HIGD1C: variants seen among roughly 807,000 people sequenced by gnomAD.
The protein encoded by HIGD1C is HIG1 hypoxia inducible domain family member 1C.
In HIGD1C, 11 loss-of-function variants were observed where a neutral mutation model predicts 13.1. That is an observed-to-expected ratio of 0.84 (90% CI 0.53 to 1.39). The LOEUF is 1.39. Among genes scored for constraint, HIGD1C ranks in the 40% most tolerant of loss-of-function variants. The probability of loss-of-function intolerance (pLI) is 0.00; values close to 1 mark genes in which losing one functional copy is unlikely to be tolerated. For synonymous variants in HIGD1C, 36 were observed against 37.7 expected, an observed-to-expected ratio of 0.95 and a Z score of 0.17; for missense variants, 110 against 112.0, an observed-to-expected ratio of 0.98 and a Z score of 0.08.
At chr12:50,931,495 G>A in the HIGD1C span, 1 of 150,328 alleles carries the variant, frequency 6.7e-6, no homozygotes, top group Non-Finnish European at 1.5e-5. Context: ...GGATCACGAG[G>A]TAGGAGTTAA....
intron 1 of HIGD1C, among the ~76,000 whole-genome samples, chr12:50,958,308 G>A (rs1310433049): frequency 6.9e-6 from 1 of 144,680 alleles, no homozygotes; most frequent in Admixed American, 6.9e-5. Context: ...TTTAGACGGA[G>A]TCTTGCTCTG....
downstream of HIGD1C, among the ~76,000 whole-genome samples, chr12:50,971,437 T>C (rs1323692431): frequency 2.0e-5 from 3 of 152,224 alleles, no homozygotes; most frequent in South Asian, 6.2e-4. Flanking sequence ...TTTAAAGTAG[T>C]TCTAGGAATA....
intron 2 of HIGD1C, among the ~76,000 whole-genome samples, chr12:50,964,415 T>A (rs1592265602): frequency 6.6e-6 from 1 of 152,248 alleles, no homozygotes; most frequent in Admixed American, 6.5e-5. Flanking sequence ...GATTTAGTTT[T>A]CCATTGTCTT....
chr12:50,972,088 T>G (rs983961583), downstream of HIGD1C, among the ~76,000 whole-genome samples: 6 of 152,218 alleles, frequency 3.9e-5, no homozygotes, highest in African/African-American at 1.4e-4. Flanking sequence ...CTGGATCTAA[T>G]ATGTTCCATT....
the HIGD1C span, among the ~76,000 whole-genome samples, chr12:50,940,754 A>G: frequency 1.3e-5 from 2 of 152,036 alleles, no homozygotes; most frequent in Non-Finnish European, 2.9e-5. Context: ...ATATTAAAAT[A>G]AACAGATGTA....
At chr12:50,942,162 G>A in the HIGD1C span, among the ~76,000 whole-genome samples, 4 of 152,058 alleles carry the variant, frequency 2.6e-5, no homozygotes, top group South Asian at 4.2e-4. Flanking sequence ...GATTACAGGC[G>A]TGAGCCACCG....
chr12:50,945,199 C>T, the HIGD1C span, among the ~76,000 whole-genome samples: 1 of 152,176 alleles, frequency 6.6e-6, no homozygotes, highest in Non-Finnish European at 1.5e-5. Flanking sequence ...TTTCTCACCA[C>T]TACTATTCAA....
the HIGD1C span, among the ~76,000 whole-genome samples, chr12:50,945,233 G>C: frequency 6.6e-6 from 1 of 152,130 alleles, no homozygotes; most frequent in Non-Finnish European, 1.5e-5. Flanking sequence ...GTTCTGGCCA[G>C]GGCAATCAGG....
chr12:50,935,920 G>A, the HIGD1C span, among the ~76,000 whole-genome samples: 7 of 152,136 alleles, frequency 4.6e-5, no homozygotes, highest in African/African-American at 1.7e-4. Context: ...CACTTTGGGA[G>A]GCCAAGGTGG....
At chr12:50,933,785 G>A in the HIGD1C span, among the ~76,000 whole-genome samples, 1 of 152,238 alleles carries the variant, frequency 6.6e-6, no homozygotes, top group Non-Finnish European at 1.5e-5. Flanking sequence ...AACCACAGGG[G>A]GAACCTAAGC....
the HIGD1C span, among the ~76,000 whole-genome samples, chr12:50,937,126 C>T: frequency 1.3e-5 from 2 of 152,210 alleles, 1 homozygote. Flanking sequence ...GCCTGTTCTT[C>T]TGACAAGGAT....
chr12:50,932,717 T>C, the HIGD1C span, among the ~76,000 whole-genome samples: 5 of 152,226 alleles, frequency 3.3e-5, no homozygotes, highest in African/African-American at 4.8e-5. Context: ...CATGTGATCA[T>C]GTTTGGCTAC....
At chr12:50,954,017 T>A in exon 1 of HIGD1C, 18 of 1,611,606 alleles carry the variant, frequency 1.1e-5, no homozygotes, top group Non-Finnish European at 1.5e-5. Context: ...AGATAACCAG[T>A]GGTCAGCAGA....
chr12:50,936,643 T>C, the HIGD1C span, among the ~76,000 whole-genome samples: 1 of 152,198 alleles, frequency 6.6e-6, no homozygotes, highest in African/African-American at 2.4e-5. Flanking sequence ...ATCTCCATAT[T>C]TGTCTCTTCT....
chr12:50,966,340 C>T (rs1403667157), intron 2 of HIGD1C, among the ~76,000 whole-genome samples: 1 of 152,150 alleles, frequency 6.6e-6, no homozygotes, highest in Non-Finnish European at 1.5e-5. Context: ...TCTAACATAC[C>T]AATCTCCCTA....
upstream of HIGD1C, chr12:50,953,852 A>G: frequency 3.6e-6 from 2 of 556,882 alleles, no homozygotes; most frequent in Non-Finnish European, 6.4e-6. Flanking sequence ...TGAAGGAAAG[A>G]CAATTGTTTC....
At chr12:50,933,283 T>C in the HIGD1C span, among the ~76,000 whole-genome samples, 1 of 152,164 alleles carries the variant, frequency 6.6e-6, no homozygotes, top group Non-Finnish European at 1.5e-5. Context: ...AACACATATT[T>C]ATAATCATTT....
chr12:50,970,405 A>G, intron 2 of HIGD1C, 37 bp from the exon 5 acceptor site: 1 of 1,036,462 alleles, frequency 9.6e-7, no homozygotes, highest in Non-Finnish European at 1.5e-6. Flanking sequence ...TTTGTTTCCC[A>G]TGGATACTCA....
chr12:50,971,879 T>C (rs1939771174), downstream of HIGD1C, among the ~76,000 whole-genome samples: 1 of 152,252 alleles, frequency 6.6e-6, no homozygotes, highest in South Asian at 2.1e-4. Flanking sequence ...ATTCTGGATA[T>C]TAACCTAGTG....
Sources: gnomAD v4.1 joint callset for allele counts (sites outside exome capture counted in the v4.1 genomes callset) on GRCh38, gnomAD v4.1.1 for gene constraint, MANE v1.5 for transcripts, NCBI Gene and HGNC (gene_info 2026-07-23, HGNC 2026-07-21) for gene names.